The following NDEL1 variants were observed in gnomAD, a reference collection of about 807,000 sequenced individuals.
NDEL1 encodes the protein nuclear distribution protein nudE-like 1.
NDEL1 carries 9 observed loss-of-function variants against 45.7 expected under a neutral mutation model. That is an observed-to-expected ratio of 0.20 (90% CI 0.12 to 0.34). The LOEUF (loss-of-function observed/expected upper bound fraction) is 0.34. NDEL1 is among the 10% of genes least tolerant of loss of function. The pLI is 1.00. For synonymous variants in NDEL1, 133 were observed against 158.6 expected, an observed-to-expected ratio of 0.84 and a Z score of 1.21; for missense variants, 306 against 406.2, an observed-to-expected ratio of 0.75 and a Z score of 2.12.
chr17:8,431,569 G>A (rs531908267), upstream of NDEL1, among the ~76,000 whole-genome samples: 5 of 152,318 alleles, frequency 3.3e-5, no homozygotes, highest in East Asian at 1.9e-4. Flanking sequence ...GTTGTTAATA[G>A]TGTGTTTTCT....
At chr17:8,424,626 T>C (rs1329219162) in intron 1 of NDEL1, among the ~76,000 whole-genome samples, 1 of 152,176 alleles carries the variant, frequency 6.6e-6, no homozygotes, top group African/African-American at 2.4e-5. Context: ...CTCAGCCTCC[T>C]GAGTAGCTGG....
chr17:8,413,369 C>T (rs1288071614), intron 1 of NDEL1: 2 of 152,352 alleles, frequency 1.3e-5, no homozygotes, highest in Non-Finnish European at 2.9e-5. Context: ...TGAGGACCCT[C>T]TGTGCCCATG....
At chr17:8,427,365 T>C (rs1908863444) in intron 1 of NDEL1, among the ~76,000 whole-genome samples, 1 of 152,092 alleles carries the variant, frequency 6.6e-6, no homozygotes, top group Admixed American at 6.6e-5. Flanking sequence ...CGAACCATAG[T>C]GAGCATTTTT....
chr17:8,474,211 G>A (rs566834866), intron 3 of NDEL1: 9 of 152,738 alleles, frequency 5.9e-5, no homozygotes, highest in Non-Finnish European at 1.0e-4. Flanking sequence ...CAGATTCCAC[G>A]TTCACATGAT....
intron 1 of NDEL1, among the ~76,000 whole-genome samples, chr17:8,418,851 CTTCTT>C (rs1374065024): frequency 7.4e-6 from 1 of 135,540 alleles, no homozygotes; most frequent in African/African-American, 2.6e-5. Flanking sequence ...CTTTCTCTCT[CTTCTT>C]TTTTATTTTT....
At chr17:8,452,342 A>AT (rs200638230) in intron 6 of NDEL1, among the ~76,000 whole-genome samples, 113 of 151,834 alleles carry the variant, frequency 7.4e-4, no homozygotes, top group Admixed American at 4.3e-3. Flanking sequence ...GGTGGTGCAC[A>AT]TTTTTTTTTA....
chr17:8,429,096 A>G (rs2151698576), intron 1 of NDEL1, among the ~76,000 whole-genome samples: 1 of 152,364 alleles, frequency 6.6e-6, no homozygotes, highest in East Asian at 1.9e-4. Flanking sequence ...GAAAAGGCAT[A>G]GTTGCCTATG....
At chr17:8,463,243 G>C in intron 8 of NDEL1, 1 of 1,171,988 alleles carries the variant, frequency 8.5e-7, no homozygotes, top group Non-Finnish European at 1.3e-6. Flanking sequence ...GTGTAGGTGG[G>C]CATGGACTAA....
rs77321490 is a variant in NDEL1 at position 8,463,624 on chromosome 17, C to T, written c.945-3306C>T. ...GTGGCACGCCTGAGATGGGCTAGGG[C>T]GCTGTAGTGTTGATTTCAGAGTCTG... On this transcript the variant is annotated intron_variant, in intron 8 of 8. Transcript: ENST00000334527. Among the ~76,000 whole-genome samples the T allele has an allele frequency of 4.9e-4, 74 of 152,274 alleles. No homozygotes were observed. The East Asian group carries it at 0.012, about 25-fold the overall frequency.
chr17:8,448,765 AT>A (rs1001131291), intron 5 of NDEL1, 79 bp downstream of exon 5: 9 of 1,345,468 alleles, frequency 6.7e-6, no homozygotes, highest in Admixed American at 2.5e-5. Context: ...TTATACTCTG[AT>A]TTTTTTTCAA....
chr17:8,472,396 G>A (rs910867942), downstream of NDEL1, among the ~76,000 whole-genome samples: 1 of 152,226 alleles, frequency 6.6e-6, no homozygotes, highest in East Asian at 1.9e-4. Context: ...GCTCACACCT[G>A]TAATCCCAGC....
At chr17:8,425,578 T>C (rs61446732) in intron 1 of NDEL1, among the ~76,000 whole-genome samples, 2,089 of 113,292 alleles carry the variant, frequency 0.018, 42 homozygotes, top group African/African-American at 0.067. Flanking sequence ...TGAGACCTTG[T>C]CTCAAAAAAA....
chr17:8,472,036 A>G (rs1911847403), downstream of NDEL1, among the ~76,000 whole-genome samples: 1 of 152,144 alleles, frequency 6.6e-6, no homozygotes, highest in Non-Finnish European at 1.5e-5. Context: ...AACGATTCCA[A>G]CCTGGAGCCT....
In NDEL1 at chr17:8,466,952, G is replaced by GCTC. The variant is rs757809404; in HGVS notation, c.979_981dup (p.Pro327dup). 16 of 1,614,102 alleles carry GCTC rather than the reference G, an allele frequency of 9.9e-6. No homozygotes were observed. The highest frequency in any genetic ancestry group is 1.7e-4 in the Middle Eastern group (1 of 6,058). On this transcript the variant is annotated inframe_insertion, in exon 9 of 9. Transcript: ENST00000334527. ...CAGGGCAGTAAACGGCTTTGACCCCGCTCCTCCTCCTCCTGGTCTGGGCTC... is the reference window on the plus strand; with the variant it reads ...CAGGGCAGTAAACGGCTTTGACCCCGCTCCTCCTCCTCCTCCTGGTCTGGGCTC...
At chr17:8,448,910 C>G (rs1910273301) in intron 5 of NDEL1, among the ~76,000 whole-genome samples, 1 of 152,158 alleles carries the variant, frequency 6.6e-6, no homozygotes, top group African/African-American at 2.4e-5. Flanking sequence ...GTCCTGGAAC[C>G]AATCCCCATG....
At chr17:8,469,027 G>A (rs533904855), downstream of NDEL1, among the ~76,000 whole-genome samples, 117 of 152,224 alleles carry the variant, frequency 7.7e-4, no homozygotes, top group African/African-American at 2.7e-3. Flanking sequence ...AAAACCCTGA[G>A]TGAATAAGAA....
intron 7 of NDEL1, among the ~76,000 whole-genome samples, chr17:8,459,351 A>G (rs1911052150): frequency 6.6e-6 from 1 of 152,190 alleles, no homozygotes; most frequent in Non-Finnish European, 1.5e-5. Flanking sequence ...TGTGCTTGCC[A>G]GGTGTTGTGG....
downstream of NDEL1, among the ~76,000 whole-genome samples, chr17:8,469,368 G>A (rs1911776727): frequency 6.6e-6 from 1 of 152,190 alleles, no homozygotes; most frequent in Non-Finnish European, 1.5e-5. Flanking sequence ...GATGTTTGGA[G>A]CCCTGAATCT....
At chr17:8,424,796 G>A (rs904256536) in intron 1 of NDEL1, among the ~76,000 whole-genome samples, 2 of 142,720 alleles carry the variant, frequency 1.4e-5, no homozygotes, top group South Asian at 2.3e-4. Flanking sequence ...GAGCCACCGC[G>A]CCCACAGCCC....
Sources: allele counts gnomAD v4.1 joint callset (sites outside exome capture counted in the v4.1 genomes callset), GRCh38; gene constraint gnomAD v4.1.1; transcripts MANE v1.5; gene names NCBI Gene and HGNC (gene_info 2026-07-23, HGNC 2026-07-21).